Variants in HM13 observed in about 807,000 individuals in gnomAD.
HM13 encodes histocompatibility minor 13.
Under a neutral mutation model 50.0 loss-of-function variants are expected in HM13, and 18 were observed. The observed-to-expected ratio is 0.36, with a 90% CI of 0.25 to 0.53. HM13 has a LOEUF of 0.53. HM13 is among the 20% of genes least tolerant of loss of function. The pLI is 0.90. For synonymous variants in HM13, 197 were observed against 232.6 expected (o/e 0.85, Z 1.39); for missense variants, 393 against 552.4 (o/e 0.71, Z 2.89).
intron 4 of HM13, 126 bp from the exon 5 acceptor site, chr20:31,548,903 G>A (rs777199204): frequency 1.2e-6 from 1 of 848,560 alleles, no homozygotes; most frequent in Admixed American, 1.8e-5. Context: ...GGCAGCCAAG[G>A]CTTAGCCCCG....
chr20:31,531,254 A>G (rs902017884), intron 2 of HM13, among the ~76,000 whole-genome samples: 3 of 152,098 alleles, frequency 2.0e-5, no homozygotes, highest in African/African-American at 7.2e-5. Context: ...CTTGTTGGTC[A>G]GGCTGGACTC....
chr20:31,533,783 C>A (rs1249262041), intron 2 of HM13, among the ~76,000 whole-genome samples: 1 of 152,206 alleles, frequency 6.6e-6, no homozygotes, highest in African/African-American at 2.4e-5. Flanking sequence ...CCTTTCATTT[C>A]ATATGCCTCT....
In HM13 at chr20:31,568,120, C is replaced by T; in HGVS notation, c.1077C>T (p.Leu359=). The T allele has an allele frequency of 1.2e-6, 2 of 1,613,266 alleles. No homozygotes were observed. Among genetic ancestry groups the T allele is most frequent in the African/African-American group, 1.3e-5 (1 of 75,060 alleles). ...SAEILPHTPR[L]THFPTVSGSP... The stretch of plus-strand genomic sequence containing the variant: ...AAATCCTGCCTCATACCCCGAGGCT[C>T]ACCCACTTCCCCACAGTCTCGGGCT... The change falls in exon 12 of 13, where the codon CTC becomes CTT. Residue 359 remains leucine (L), a synonymous_variant. Transcript: ENST00000398174.
intron 3 of HM13, chr20:31,538,594 A>C: frequency 7.8e-7 from 1 of 1,279,868 alleles, no homozygotes; most frequent in Non-Finnish European, 9.9e-7. Context: ...GTTGTGGCCT[A>C]GCTGTGTGCT....
chr20:31,517,802 T>G (rs1981888866), intron 1 of HM13, among the ~76,000 whole-genome samples: 1 of 151,600 alleles, frequency 6.6e-6, no homozygotes, highest in African/African-American at 2.4e-5. Context: ...AATCGTATTG[T>G]TACAAAAATA....
At chr20:31,555,596 G>A (rs1308207131) in intron 8 of HM13, among the ~76,000 whole-genome samples, 1 of 152,148 alleles carries the variant, frequency 6.6e-6, no homozygotes, top group Non-Finnish European at 1.5e-5. Flanking sequence ...GCTTATCTGG[G>A]CCCAGTTGTG....
intron 3 of HM13, among the ~76,000 whole-genome samples, chr20:31,543,747 C>T (rs2122606606): frequency 1.3e-5 from 2 of 151,846 alleles, no homozygotes; most frequent in East Asian, 4.0e-4. Context: ...CTGGCTAACA[C>T]AGTGAAACCC....
chr20:31,557,156 G>T (rs1205100537), intron 8 of HM13, among the ~76,000 whole-genome samples: 1 of 152,196 alleles, frequency 6.6e-6, no homozygotes, highest in Non-Finnish European at 1.5e-5. Context: ...GGCCACGAGG[G>T]TATGGGCTTG....
At chr20:31,529,400 C>T (rs1295468937) in intron 2 of HM13, among the ~76,000 whole-genome samples, 1 of 151,446 alleles carries the variant, frequency 6.6e-6, no homozygotes, top group Admixed American at 6.6e-5. Flanking sequence ...CGTGCACCAC[C>T]ACACCTAGCT....
At chr20:31,519,030 G>T (rs1481900066) in intron 1 of HM13, among the ~76,000 whole-genome samples, 1 of 152,058 alleles carries the variant, frequency 6.6e-6, no homozygotes, top group Non-Finnish European at 1.5e-5. Context: ...CCTCTCCTGT[G>T]TTTCTTAGAT....
chr20:31,553,242 G>A (rs1310333012), intron 7 of HM13, among the ~76,000 whole-genome samples: 6 of 146,208 alleles, frequency 4.1e-5, no homozygotes, highest in African/African-American at 1.3e-4. Context: ...GTTGCAGTGA[G>A]CCGATATTGC....
chr20:31,527,014 C>T (rs1982528556), intron 1 of HM13, among the ~76,000 whole-genome samples: 1 of 152,152 alleles, frequency 6.6e-6, no homozygotes, highest in African/African-American at 2.4e-5. Flanking sequence ...TCTCCTTGGT[C>T]TCTTGATCAG....
chr20:31,557,087 AG>A (rs1406627417), intron 8 of HM13, among the ~76,000 whole-genome samples: 5 of 151,822 alleles, frequency 3.3e-5, no homozygotes, highest in African/African-American at 1.2e-4. Context: ...CCAGCAGTCC[AG>A]TGAGATAGAG....
At chr20:31,553,894 T>C (rs764587376) in intron 7 of HM13, among the ~76,000 whole-genome samples, 18 of 152,116 alleles carry the variant, frequency 1.2e-4, no homozygotes, top group Non-Finnish European at 2.5e-4. Context: ...ACCCCTGTTA[T>C]AGTGAGATGG....
chr20:31,566,587 C>T (rs1440635259), intron 11 of HM13, among the ~76,000 whole-genome samples: 3 of 152,154 alleles, frequency 2.0e-5, no homozygotes, highest in South Asian at 4.1e-4. Flanking sequence ...TCTCTGCCTA[C>T]TGTCAGAAGT....
At chr20:31,553,979 C>T (rs1297799512) in intron 7 of HM13, among the ~76,000 whole-genome samples, 1 of 151,970 alleles carries the variant, frequency 6.6e-6, no homozygotes, top group Admixed American at 6.6e-5. Context: ...CCCATTTAAC[C>T]AAAGGGTTCA....
chr20:31,563,316 T>C (rs956581812), intron 10 of HM13: 1 of 152,272 alleles, frequency 6.6e-6, no homozygotes, highest in African/African-American at 2.4e-5. Context: ...TCCCCTGCTC[T>C]CCAACACACA....
intron 1 of HM13, among the ~76,000 whole-genome samples, chr20:31,522,288 C>T (rs1982212406): frequency 6.6e-6 from 1 of 152,128 alleles, no homozygotes; most frequent in Non-Finnish European, 1.5e-5. Flanking sequence ...TCAAGCCGGG[C>T]ATGGTGGCTC....
chr20:31,532,429 A>AAAAC (rs777351588), intron 2 of HM13, among the ~76,000 whole-genome samples: 2 of 152,158 alleles, frequency 1.3e-5, no homozygotes, highest in Non-Finnish European at 2.9e-5. Context: ...ATCTCAAAAC[A>AAAAC]AAACAAACAA....
Sources: gnomAD v4.1 joint callset for allele counts (sites outside exome capture counted in the v4.1 genomes callset) on GRCh38, gnomAD v4.1.1 for gene constraint, MANE v1.5 for transcripts, NCBI Gene and HGNC (gene_info 2026-07-23, HGNC 2026-07-21) for gene names.